The following KLHL1 variants were observed in gnomAD, a reference collection of about 807,000 sequenced individuals.
KLHL1 encodes kelch-like protein 1.
KLHL1 carries 47 observed loss-of-function variants against 77.7 expected under a neutral mutation model. The ratio of observed to expected loss-of-function variants is 0.60; its 90% CI spans 0.48 to 0.77. The LOEUF (loss-of-function observed/expected upper bound fraction) is 0.77. Ranked by LOEUF, KLHL1 falls within the 30% of genes least tolerant of loss-of-function variation. KLHL1 has a pLI of 0.00. For synonymous variants in KLHL1, 360 were observed against 325.2 expected (o/e 1.11, Z -1.15); for missense variants, 925 against 910.8 (o/e 1.02, Z -0.20).
intron 1 of KLHL1, among the ~76,000 whole-genome samples, chr13:70,035,092 C>A (rs1886206380): frequency 6.6e-6 from 1 of 151,714 alleles, no homozygotes; most frequent in Non-Finnish European, 1.5e-5. Context: ...TATTAATAAC[C>A]CTTGAAGGAG....
At chr13:70,070,875 A>G (rs2082855973) in intron 1 of KLHL1, among the ~76,000 whole-genome samples, 1 of 152,014 alleles carries the variant, frequency 6.6e-6, no homozygotes, top group African/African-American at 2.4e-5. Flanking sequence ...TATAAATGTA[A>G]ATTGCAAAAC....
At chr13:69,719,708 G>T in intron 8 of KLHL1, 127 bp from the exon 9 acceptor site, 1 of 664,956 alleles carries the variant, frequency 1.5e-6, no homozygotes, top group Non-Finnish European at 2.5e-6. Context: ...TACTTTGCAG[G>T]GAGATTTTGT....
In KLHL1 at chr13:70,008,149, A is replaced by T. The variant is rs551852745; in HGVS notation, c.498-32347T>A. ...AATCTTTTAGAGTATTATTTTCTACAGGACCTAGGAGATAGTTTATTTGTA... is the reference window on the plus strand; with the variant it reads ...AATCTTTTAGAGTATTATTTTCTACTGGACCTAGGAGATAGTTTATTTGTA... On this transcript the variant is annotated intron_variant, in intron 1 of 10. Transcript: ENST00000377844. Among the ~76,000 whole-genome samples, 4 of 152,150 alleles carry T rather than the reference A, an allele frequency of 2.6e-5. No individual in the cohort carries two copies. In the East Asian group the frequency reaches 7.7e-4, roughly 29 times the overall value.
At chr13:69,786,994 T>A (rs1319524112) in intron 7 of KLHL1, among the ~76,000 whole-genome samples, 1 of 151,990 alleles carries the variant, frequency 6.6e-6, no homozygotes, top group Admixed American at 6.6e-5. Flanking sequence ...CAAACACTGC[T>A]CAATGAAATA....
intron 7 of KLHL1, among the ~76,000 whole-genome samples, chr13:69,781,155 C>T (rs1284493372): frequency 6.6e-6 from 1 of 152,066 alleles, no homozygotes; most frequent in Non-Finnish European, 1.5e-5. Context: ...CATATACTGA[C>T]TATGTCTCCC....
intron 6 of KLHL1, among the ~76,000 whole-genome samples, chr13:69,813,297 G>T (rs1294584484): frequency 6.6e-6 from 1 of 151,700 alleles, no homozygotes; most frequent in African/African-American, 2.4e-5. Flanking sequence ...ACACAGGAAG[G>T]GGAACATCAC....
chr13:70,033,056 A>G (rs1886145086), intron 1 of KLHL1, among the ~76,000 whole-genome samples: 1 of 152,180 alleles, frequency 6.6e-6, no homozygotes, highest in African/African-American at 2.4e-5. Flanking sequence ...ATTTATTTAA[A>G]TATGCACTTC....
At chr13:69,759,226 A>G (rs1157772589) in intron 7 of KLHL1, among the ~76,000 whole-genome samples, 1 of 152,158 alleles carries the variant, frequency 6.6e-6, no homozygotes, top group African/African-American at 2.4e-5. Flanking sequence ...CTCAGAATCT[A>G]GAGACTCAAA....
intron 7 of KLHL1, among the ~76,000 whole-genome samples, chr13:69,782,679 G>A (rs192818770): frequency 6.6e-6 from 1 of 152,186 alleles, no homozygotes; most frequent in Non-Finnish European, 1.5e-5. Context: ...AAACTGGGTG[G>A]AGCCCACCAC....
At chr13:69,991,106 T>C (rs1885016044) in intron 1 of KLHL1, among the ~76,000 whole-genome samples, 1 of 151,960 alleles carries the variant, frequency 6.6e-6, no homozygotes, top group Non-Finnish European at 1.5e-5. Flanking sequence ...TTGAAAGTAA[T>C]GAGAACAAAG....
intron 5 of KLHL1, among the ~76,000 whole-genome samples, chr13:69,861,342 T>C (rs1431278857): frequency 1.3e-5 from 2 of 152,118 alleles, no homozygotes; most frequent in Non-Finnish European, 2.9e-5. Context: ...GTATAGATAC[T>C]TTATATGTCT....
At chr13:70,075,588 T>TATATATAC (rs1221350719) in intron 1 of KLHL1, among the ~76,000 whole-genome samples, 7 of 122,008 alleles carry the variant, frequency 5.7e-5, no homozygotes, top group Non-Finnish European at 1.2e-4. Context: ...TATATATATA[T>TATATATAC]ACACACACAC....
At chr13:69,858,354 A>G (rs752461865) in intron 5 of KLHL1, among the ~76,000 whole-genome samples, 2 of 152,130 alleles carry the variant, frequency 1.3e-5, no homozygotes, top group Non-Finnish European at 2.9e-5. Flanking sequence ...TGAAAGACAT[A>G]ACTGTTAACC....
chr13:69,728,909 A>G (rs1438549317), intron 8 of KLHL1, among the ~76,000 whole-genome samples: 1 of 152,096 alleles, frequency 6.6e-6, no homozygotes, highest in Admixed American at 6.6e-5. Context: ...CATTTTGCAG[A>G]TTCTTAAGGG....
At position 69,766,756 on chromosome 13, in the gene KLHL1, G is replaced by A. The variant is rs1445927495; in HGVS notation, c.1640-26200C>T. Among the ~76,000 whole-genome samples the A allele has an allele frequency of 3.3e-5, 5 of 152,030 alleles. No homozygotes were observed. In the South Asian group the frequency reaches 1.0e-3, roughly 31 times the overall value. ...TAGATTCTCTTAATGATATTTTTGGGTTGTCATAGTGCATCAGGTAAAAAT... is the reference window on the plus strand; with the variant it reads ...TAGATTCTCTTAATGATATTTTTGGATTGTCATAGTGCATCAGGTAAAAAT... On this transcript the variant is annotated intron_variant, in intron 7 of 10. Coordinates refer to ENST00000377844, the MANE Select transcript of KLHL1 (RefSeq NM_020866.3).
At chr13:69,907,756 A>G (rs1882090925) in intron 4 of KLHL1, among the ~76,000 whole-genome samples, 1 of 152,054 alleles carries the variant, frequency 6.6e-6, no homozygotes, top group African/African-American at 2.4e-5. Context: ...TGGGAAACCA[A>G]TTCACAGAAT....
chr13:69,759,994 G>C (rs1874943994), intron 7 of KLHL1, among the ~76,000 whole-genome samples: 1 of 152,060 alleles, frequency 6.6e-6, no homozygotes, highest in Admixed American at 6.6e-5. Flanking sequence ...AGTGTACATA[G>C]GCAAAAAGAC....
At chr13:69,989,219 C>A (rs1884957345) in intron 1 of KLHL1, among the ~76,000 whole-genome samples, 1 of 151,966 alleles carries the variant, frequency 6.6e-6, no homozygotes. Context: ...AATAGGTAAT[C>A]CTTTCCCCAT....
At chr13:69,978,200 G>A (rs1465730383) in intron 1 of KLHL1, among the ~76,000 whole-genome samples, 1 of 151,958 alleles carries the variant, frequency 6.6e-6, no homozygotes, top group Non-Finnish European at 1.5e-5. Flanking sequence ...ATGCATTGCA[G>A]GGTGCATTTT....
Sources: gnomAD v4.1 joint callset for allele counts (sites outside exome capture counted in the v4.1 genomes callset) on GRCh38, gnomAD v4.1.1 for gene constraint, MANE v1.5 for transcripts, NCBI Gene and HGNC (gene_info 2026-07-23, HGNC 2026-07-21) for gene names.